The following ST7 variants were observed in gnomAD, a reference collection of about 807,000 sequenced individuals.
ST7 encodes the protein suppression of tumorigenicity 7.
A neutral mutation model predicts 78.7 loss-of-function variants in ST7; 28 were observed. The observed-to-expected ratio is 0.36, with a 90% CI of 0.26 to 0.49. The LOEUF (loss-of-function observed/expected upper bound fraction) is 0.49, where lower values mean the gene tolerates loss of function less well. Ranked by LOEUF, ST7 falls within the 20% of genes least tolerant of loss-of-function variation. ST7 has a pLI of 0.99. For synonymous variants in ST7, 247 were observed against 249.6 expected (o/e 0.99, Z 0.10); for missense variants, 418 against 696.0 (o/e 0.60, Z 4.49).
chr7:117,021,890 A>G (rs933968816), intron 1 of ST7, among the ~76,000 whole-genome samples: 3 of 152,214 alleles, frequency 2.0e-5, no homozygotes, highest in African/African-American at 7.2e-5. Context: ...TCTAAGAAAT[A>G]GAAATAAATC....
At chr7:117,021,968 T>C (rs1464127161) in intron 1 of ST7, among the ~76,000 whole-genome samples, 1 of 152,184 alleles carries the variant, frequency 6.6e-6, no homozygotes, top group Non-Finnish European at 1.5e-5. Context: ...AGCCTAGGTA[T>C]GGACAGAAAT....
At chr7:117,183,214 A>T (rs38878) in intron 10 of ST7, among the ~76,000 whole-genome samples, 19,406 of 151,896 alleles carry the variant, frequency 0.13, 2,352 homozygotes, top group African/African-American at 0.31. Flanking sequence ...ACAGTTGAGG[A>T]CATGAGTTCG....
intron 7 of ST7, among the ~76,000 whole-genome samples, chr7:117,134,642 C>T (rs1804634834): frequency 6.6e-6 from 1 of 152,024 alleles, no homozygotes; most frequent in Non-Finnish European, 1.5e-5. Context: ...TCTCAATTTT[C>T]ACTTCATTAC....
At chr7:117,082,485 A>G (rs1198604778) in intron 1 of ST7, among the ~76,000 whole-genome samples, 1 of 152,228 alleles carries the variant, frequency 6.6e-6, no homozygotes, top group African/African-American at 2.4e-5. Context: ...GGCTATATTT[A>G]GGATTTTTAT....
intron 1 of ST7, chr7:117,073,072 C>T (rs1799085195): frequency 6.6e-6 from 1 of 152,148 alleles, no homozygotes; most frequent in South Asian, 2.1e-4. Context: ...GGCTGCGCTT[C>T]AGTCAGAGGC....
At chr7:117,127,254 C>G (rs1803928295) in intron 3 of ST7, among the ~76,000 whole-genome samples, 1 of 151,828 alleles carries the variant, frequency 6.6e-6, no homozygotes, top group South Asian at 2.1e-4. Context: ...TAAGTACTTC[C>G]TGACTTAAAT....
chr7:117,074,950 A>G (rs1373480421), intron 1 of ST7, among the ~76,000 whole-genome samples: 4 of 152,198 alleles, frequency 2.6e-5, no homozygotes, highest in African/African-American at 9.6e-5. Context: ...CAGCTGAACT[A>G]TGTGATGCTA....
intron 1 of ST7, among the ~76,000 whole-genome samples, chr7:117,053,988 C>T (rs1041781919): frequency 2.0e-5 from 3 of 152,030 alleles, no homozygotes; most frequent in Non-Finnish European, 4.4e-5. Context: ...CAGGCATGCT[C>T]CACCAGGCCT....
chr7:117,015,499 A>G (rs1795564250), intron 1 of ST7, among the ~76,000 whole-genome samples: 1 of 152,214 alleles, frequency 6.6e-6, no homozygotes, highest in Admixed American at 6.5e-5. Flanking sequence ...CTGAGTATAA[A>G]TGTGCCCAGA....
chr7:117,182,938 C>A (rs563934325), intron 10 of ST7, among the ~76,000 whole-genome samples: 9 of 152,202 alleles, frequency 5.9e-5, no homozygotes, highest in African/African-American at 1.7e-4. Flanking sequence ...GATTGACGAA[C>A]AATAATCAGA....
chr7:117,136,288 T>C (rs529848126), intron 8 of ST7, 53 bp downstream of exon 8: 1 of 1,607,224 alleles, frequency 6.2e-7, no homozygotes, highest in African/African-American at 1.3e-5. Context: ...TAAAAATTAT[T>C]AATCAGAGCA....
chr7:117,129,931 G>T, intron 4 of ST7, 84 bp downstream of exon 4: 1 of 1,097,058 alleles, frequency 9.1e-7, no homozygotes, highest in Admixed American at 2.1e-5. Flanking sequence ...GGTTCATTTA[G>T]GGGTCATTGT....
Position 117,132,111 on chromosome 7 carries a change from T to C in ST7, c.641+151T>C, listed in dbSNP as rs184029592. ...ACTCTATTTAAAAAAGTTTTTTTTT[T>C]AAATGAAGGACAGCCACCATGTGGA... On this transcript the variant is annotated intron_variant, in intron 6 of 15. Coordinates refer to ENST00000323984, the MANE Select transcript of ST7 (RefSeq NM_001369598.1). 777 of 698,574 alleles carry C rather than the reference T, an allele frequency of 1.1e-3. 2 individuals carry two copies. The highest frequency in any genetic ancestry group is 2.7e-3 in the South Asian group (124 of 45,530). The allele number at this position is 698,574 out of a possible 1,614,324, so 43.3% of individuals were successfully genotyped here.
Position 117,031,417 on chromosome 7 carries a change from T to C in ST7, c.152-68345T>C, listed in dbSNP as rs376865652. Among the ~76,000 whole-genome samples, 15 of 113,330 alleles carry C rather than the reference T, an allele frequency of 1.3e-4. 3 individuals are homozygous for C. The highest frequency in any genetic ancestry group is 3.2e-4 in the African/African-American group (12 of 38,084). The allele number at this position is 113,330 out of a possible 152,430, so 74.3% of individuals were successfully genotyped here. ...ATATGTGCATATATACGCATATATGTGTGTATATGTGCATATATATGCATA... is the reference window on the plus strand; with the variant it reads ...ATATGTGCATATATACGCATATATGCGTGTATATGTGCATATATATGCATA... On this transcript the variant is annotated intron_variant, in intron 1 of 15. Transcript: ENST00000323984.
intron 1 of ST7, among the ~76,000 whole-genome samples, chr7:116,991,904 C>T (rs1170104114): frequency 6.6e-6 from 1 of 152,110 alleles, no homozygotes; most frequent in African/African-American, 2.4e-5. Context: ...TTGGCCAAAA[C>T]AAAGGGGTTA....
intron 6 of ST7, among the ~76,000 whole-genome samples, chr7:117,133,315 T>C (rs1477067247): frequency 6.6e-6 from 1 of 151,942 alleles, no homozygotes; most frequent in Non-Finnish European, 1.5e-5. Context: ...ATGGCCTGCC[T>C]ACAAGGTCTT....
At position 117,230,053 on chromosome 7, in the gene ST7, G is replaced by T. The variant is rs746725446; in HGVS notation, c.*196G>T. ...CTGATGTTCAGTTCTATTTTATTTT[G>T]CCTTCAGAAAAGAAGAAAGTCAAAA... On this transcript the variant is annotated 3_prime_UTR_variant, in exon 16 of 16. Transcript: ENST00000323984. 9.7e-6 allele frequency: 7 copies of T among 723,720 alleles called. No homozygotes were observed. In the South Asian group the frequency reaches 1.0e-4, roughly 11 times the overall value. The allele number at this position is 723,720 out of a possible 1,614,324, so 44.8% of individuals were successfully genotyped here.
intron 9 of ST7, among the ~76,000 whole-genome samples, chr7:117,145,981 C>T (rs1041293186): frequency 3.3e-5 from 5 of 152,124 alleles, no homozygotes; most frequent in African/African-American, 1.2e-4. Context: ...CTCCTTGTGT[C>T]CTTTCTGCAT....
At chr7:117,025,591 A>G (rs1291055257) in intron 1 of ST7, among the ~76,000 whole-genome samples, 5 of 152,232 alleles carry the variant, frequency 3.3e-5, no homozygotes, top group African/African-American at 1.2e-4. Flanking sequence ...AAAGAAAAAT[A>G]TTGCATGACA....
Sources: allele counts gnomAD v4.1 joint callset (sites outside exome capture counted in the v4.1 genomes callset), GRCh38; gene constraint gnomAD v4.1.1; transcripts MANE v1.5; gene names NCBI Gene and HGNC (gene_info 2026-07-23, HGNC 2026-07-21).